SLC35E4: variants seen among roughly 807,000 people sequenced by gnomAD.
SLC35E4 encodes the protein solute carrier family 35, member E4.
SLC35E4 carries 15 observed loss-of-function variants against 19.3 expected under a neutral mutation model. That is an observed-to-expected ratio of 0.78 (90% CI 0.52 to 1.20). The LOEUF (loss-of-function observed/expected upper bound fraction) is 1.20. Among genes scored for constraint, SLC35E4 ranks in the 50% most tolerant of loss-of-function variants. The pLI is 0.00. For missense variants in SLC35E4, 406 were observed against 472.3 expected (o/e 0.86, Z 1.30); for synonymous variants, 219 against 219.9 (o/e 1.00, Z 0.04).
rs547585060 is a variant in SLC35E4 at position 30,641,955 on chromosome 22, G to A, written c.620-4643G>A. Among the ~76,000 whole-genome samples, 27 of 152,224 alleles carry A rather than the reference G, an allele frequency of 1.8e-4. No individual in the cohort carries two copies. In the South Asian group the frequency reaches 3.3e-3, roughly 19 times the overall value. ...TAGGGGGCTAGAGGCCCCACTAACAGAGATAGGAGCCCTGCAGAGATGGGG... is the reference window on the plus strand; with the variant it reads ...TAGGGGGCTAGAGGCCCCACTAACAAAGATAGGAGCCCTGCAGAGATGGGG... On this transcript the variant is annotated intron_variant, in intron 1 of 1. Coordinates refer to ENST00000343605, the MANE Select transcript of SLC35E4 (RefSeq NM_001001479.4).
chr22:30,638,672 CGTG>C (rs930560508), intron 1 of SLC35E4, among the ~76,000 whole-genome samples: 4 of 141,680 alleles, frequency 2.8e-5, no homozygotes, highest in Admixed American at 1.5e-4. Context: ...ATTAGCTGAG[CGTG>C]ATGGTGGGCG....
intron 1 of SLC35E4, among the ~76,000 whole-genome samples, chr22:30,637,585 C>T (rs1308535927): frequency 6.6e-6 from 1 of 152,022 alleles, no homozygotes; most frequent in Non-Finnish European, 1.5e-5. Flanking sequence ...GACACAGAGT[C>T]TTGCTATGTT....
chr22:30,649,551 C>T (rs754630902), downstream of SLC35E4, among the ~76,000 whole-genome samples: 5 of 129,304 alleles, frequency 3.9e-5, no homozygotes, highest in East Asian at 3.9e-4. Context: ...TTCCAGCCTC[C>T]GCCCAGGCTG....
In SLC35E4 at chr22:30,646,972, G is replaced by A; in HGVS notation, c.994G>A (p.Ala332Thr). Reference sequence around the variant, plus strand: ...CCTTTACCACAACTGCGAGTTCGTGGCCTCCTGGGCTGCCCGTCGGGGGCT... The same window carrying A: ...CCTTTACCACAACTGCGAGTTCGTGACCTCCTGGGCTGCCCGTCGGGGGCT... ...MFLYHNCEFVASWAARRGLWR... is the reference protein window; with the variant it reads ...MFLYHNCEFVTSWAARRGLWR... Residue 332 changes from alanine (A) to threonine (T), a missense_variant, in exon 2 of 2, where the codon GCC becomes ACC. Ala to Thr is a moderately conservative substitution (Grantham distance 58, BLOSUM62 0). Transcript: ENST00000343605. 6.2e-7 allele frequency: 1 copy of A among 1,613,694 alleles called. No homozygotes were observed. The highest frequency in any genetic ancestry group is 8.5e-7 in the Non-Finnish European group (1 of 1,179,970).
downstream of SLC35E4, chr22:30,649,242 G>A: frequency 1.4e-6 from 1 of 717,398 alleles, no homozygotes; most frequent in Non-Finnish European, 2.6e-6. Context: ...AGGGCCAGGA[G>A]TGAGGAAGGA....
intron 2 of SLC35E4, among the ~76,000 whole-genome samples, chr22:30,656,020 C>T (rs910057802): frequency 7.2e-5 from 11 of 151,782 alleles, no homozygotes; most frequent in South Asian, 6.3e-4. Context: ...TTGCTGAGGA[C>T]GCAGTGCAGT....
At position 30,646,723 on chromosome 22, in the gene SLC35E4, G is replaced by T; in HGVS notation, c.745G>T (p.Ala249Ser). 6.2e-7 allele frequency: 1 copy of T among 1,612,946 alleles called. No homozygotes were observed. Reference protein sequence around the residue: ...LEAGVAPPPTAGDSRLWACIL... With the variant: ...LEAGVAPPPTSGDSRLWACIL... ...GGCTGGCGTTGCCCCACCGCCCACT[G>T]CTGGCGACTCTCGCCTCTGGGCCTG... is the stretch of plus-strand genomic sequence containing the variant. Residue 249 changes from alanine (A) to serine (S), a missense_variant, in exon 2 of 2, where the codon GCT becomes TCT. Transcript: ENST00000343605.
chr22:30,649,326 G>T, downstream of SLC35E4: 1 of 705,628 alleles, frequency 1.4e-6, no homozygotes, highest in Non-Finnish European at 2.6e-6. Flanking sequence ...TCTGCAAAAT[G>T]TCTCCCATTT....
chr22:30,638,162 C>T lies in SLC35E4; in HGVS notation c.619+1093C>T, dbSNP rs141255493. ...GGGAGGACTCTTGAGACCAGGAGTT[C>T]GAGACCACCCTGGCCAACATGGTGA... On this transcript the variant is annotated intron_variant, in intron 1 of 1. Transcript: ENST00000343605. Among the ~76,000 whole-genome samples, 587 of 151,180 alleles carry T rather than the reference C, an allele frequency of 3.9e-3. 11 individuals carry two copies. Among genetic ancestry groups the T allele is most frequent in the East Asian group, 0.034 (173 of 5,134 alleles).
At chr22:30,653,857 G>A (rs1486230855) in intron 2 of SLC35E4, 1 of 154,046 alleles carries the variant, frequency 6.5e-6, no homozygotes, top group Non-Finnish European at 1.5e-5. Flanking sequence ...TTATTGAGGA[G>A]TAAACAGTCT....
chr22:30,637,678 A>G (rs1177472000), intron 1 of SLC35E4, among the ~76,000 whole-genome samples: 2 of 152,164 alleles, frequency 1.3e-5, no homozygotes, highest in Non-Finnish European at 2.9e-5. Flanking sequence ...ACCAGTATTT[A>G]GTGATAGCCA....
chr22:30,645,917 C>T (rs2088121433), intron 1 of SLC35E4, among the ~76,000 whole-genome samples: 1 of 151,510 alleles, frequency 6.6e-6, no homozygotes, highest in Admixed American at 6.6e-5. Context: ...ACCTCCTGAG[C>T]TCAAGATCCT....
chr22:30,638,592 A>T (rs1000878520), intron 1 of SLC35E4, among the ~76,000 whole-genome samples: 4 of 149,228 alleles, frequency 2.7e-5, no homozygotes, highest in Admixed American at 2.7e-4. Context: ...CAAGTGGATC[A>T]CCTGAGGTCA....
At chr22:30,665,278 T>C (rs1378323816), downstream of SLC35E4, among the ~76,000 whole-genome samples, 1 of 152,242 alleles carries the variant, frequency 6.6e-6, no homozygotes, top group East Asian at 1.9e-4. Flanking sequence ...GGCTATCCAC[T>C]GTGAGGATAA....
downstream of SLC35E4, chr22:30,667,949 C>G (rs2088743072): frequency 6.6e-6 from 1 of 152,650 alleles, no homozygotes. Flanking sequence ...GCGCGGGGCT[C>G]CAGGTTCCGC....
At position 30,636,753 on chromosome 22, in the gene SLC35E4, C is replaced by T; in HGVS notation, c.303C>T (p.Pro101=). 6.2e-7 allele frequency: 1 copy of T among 1,612,224 alleles called. No homozygotes were observed. Among genetic ancestry groups the T allele is most frequent in the Non-Finnish European group, 8.5e-7 (1 of 1,179,472 alleles). Residue 101 remains proline (P), a synonymous_variant, in exon 1 of 2, where the codon CCC becomes CCT. Coordinates refer to ENST00000343605, the MANE Select transcript of SLC35E4 (RefSeq NM_001001479.4). ...ALACHRGARR[P]MPGGTRCRVL... ...CATGCCACCGGGGGGCACGGCGCCCCATGCCAGGCGGCACTCGCTGCCGAG... is the reference window on the plus strand; with the variant it reads ...CATGCCACCGGGGGGCACGGCGCCCTATGCCAGGCGGCACTCGCTGCCGAG...
In SLC35E4 at chr22:30,646,710, C is replaced by T. The variant is rs376691102; in HGVS notation, c.732C>T (p.Ala244=). 1 of 1,612,666 alleles carries T rather than the reference C, an allele frequency of 6.2e-7. No individual in the cohort carries two copies. ...GAALVLEAGV[A]PPPTAGDSRL... is the part of the protein sequence containing the mutation. The stretch of plus-strand genomic sequence containing the variant: ...CCCTGGTGCTGGAGGCTGGCGTTGC[C>T]CCACCGCCCACTGCTGGCGACTCTC... The change falls in exon 2 of 2, where the codon GCC becomes GCT. Residue 244 remains alanine (A), a synonymous_variant. Transcript: ENST00000343605.
At chr22:30,664,028 A>G (rs759580003), downstream of SLC35E4, 1 of 1,595,400 alleles carries the variant, frequency 6.3e-7, no homozygotes, top group East Asian at 2.2e-5. Flanking sequence ...AGTGGTCAGC[A>G]GTCAGCGAAG....
intron 2 of SLC35E4, among the ~76,000 whole-genome samples, chr22:30,661,205 C>A (rs940065115): frequency 6.6e-6 from 1 of 152,092 alleles, no homozygotes; most frequent in Non-Finnish European, 1.5e-5. Flanking sequence ...GCCACCCCCC[C>A]GCCAAGTGAA....
Sources: gnomAD v4.1 joint callset for allele counts (sites outside exome capture counted in the v4.1 genomes callset) on GRCh38, gnomAD v4.1.1 for gene constraint, MANE v1.5 for transcripts, NCBI Gene and HGNC (gene_info 2026-07-23, HGNC 2026-07-21) for gene names.